Variants in COL18A1 observed in about 807,000 individuals in gnomAD.
COL18A1 encodes collagen alpha-1(XVIII) chain.
Under a neutral mutation model 168.0 loss-of-function variants are expected in COL18A1, and 133 were observed. The ratio of observed to expected loss-of-function variants is 0.79; its 90% CI spans 0.69 to 0.91. The LOEUF is 0.91. Ranked by LOEUF, COL18A1 falls within the 40% of genes least tolerant of loss-of-function variation. The probability of loss-of-function intolerance (pLI) is 0.00; values close to 1 mark genes in which losing one functional copy is unlikely to be tolerated. For synonymous variants in COL18A1, 949 were observed against 809.0 expected, an observed-to-expected ratio of 1.17 and a Z score of -2.94; for missense variants, 2,126 against 1,925.4, an observed-to-expected ratio of 1.10 and a Z score of -1.95.
intron 2 of COL18A1, among the ~76,000 whole-genome samples, chr21:45,458,138 C>T (rs2034905650): frequency 6.7e-6 from 1 of 149,072 alleles, no homozygotes. Context: ...TGCAGCGGGG[C>T]CTGGCTGAGC....
chr21:45,463,702 A>G lies in COL18A1; in HGVS notation c.107-4540A>G, dbSNP rs1211667871. 6.6e-6 allele frequency among the ~76,000 whole-genome samples: 1 copy of G among 152,168 alleles called. No individual in the cohort carries two copies. Among genetic ancestry groups the G allele is most frequent in the Admixed American group, 6.5e-5 (1 of 15,276 alleles). On this transcript the variant is annotated intron_variant, in intron 2 of 41. Coordinates refer to ENST00000651438, the MANE Select transcript of COL18A1 (RefSeq NM_001379500.1). This position sits in a 1 kb window ranked among gnomAD's most constrained non-coding sequence, Gnocchi z 4.0. Reference sequence around the variant, plus strand: ...CGCCTGAGGTCGGGAGTTGGAGACCAGCCTGACCAACACGGAGAAACCCCA... The same window carrying G: ...CGCCTGAGGTCGGGAGTTGGAGACCGGCCTGACCAACACGGAGAAACCCCA...
intron 32 of COL18A1, chr21:45,502,892 G>T (rs892984242): frequency 2.6e-5 from 4 of 152,346 alleles, no homozygotes; most frequent in African/African-American, 9.6e-5. Flanking sequence ...GGATCTGCAG[G>T]TGAACTCTCA....
chr21:45,494,501 G>A (rs1465743136), intron 26 of COL18A1, 44 bp from the exon 27 acceptor site: 3 of 1,612,890 alleles, frequency 1.9e-6, no homozygotes, highest in Non-Finnish European at 2.5e-6. Context: ...GCCAGGTGGG[G>A]CACAAGCTGC....
At chr21:45,505,484 C>T (rs1410925821) in intron 36 of COL18A1, 53 bp downstream of exon 36, 4 of 905,766 alleles carry the variant, frequency 4.4e-6, no homozygotes, top group Middle Eastern at 3.2e-4. Context: ...CTGGCTGGTT[C>T]TGCAGCCCCT....
rs1961632848 is a variant in COL18A1 at position 45,510,138 on chromosome 21, C to T, written c.3570C>T (p.Phe1190=). Residue 1190 remains phenylalanine (F), a synonymous_variant, in exon 40 of 42, where the codon TTC becomes TTT. Transcript: ENST00000651438. ...TCCGCGGGGCCGACTTCCAGTGCTTCCAGCAGGCGCGGGCCGTGGGGCTGG... is the reference window on the plus strand; with the variant it reads ...TCCGCGGGGCCGACTTCCAGTGCTTTCAGCAGGCGCGGGCCGTGGGGCTGG... ...RGIRGADFQC[F]QQARAVGLAG... The T allele has an allele frequency of 6.3e-7, 1 of 1,599,846 alleles. No homozygotes were observed. Among genetic ancestry groups the T allele is most frequent in the African/African-American group, 1.3e-5 (1 of 74,590 alleles).
At chr21:45,499,566 C>T (rs370905079) in intron 32 of COL18A1, among the ~76,000 whole-genome samples, 623 of 138,964 alleles carry the variant, frequency 4.5e-3, no homozygotes, top group Admixed American at 8.3e-3. Flanking sequence ...CTCGGGAACC[C>T]GCGTGGGCTG....
At chr21:45,456,772 C>T (rs2034840255) in intron 2 of COL18A1, 1 of 1,542,612 alleles carries the variant, frequency 6.5e-7, no homozygotes, top group Non-Finnish European at 8.7e-7. Flanking sequence ...TCTGCGAGGC[C>T]CTGCAGGATG....
At chr21:45,458,011 G>A (rs1046967901) in intron 2 of COL18A1, among the ~76,000 whole-genome samples, 2 of 151,864 alleles carry the variant, frequency 1.3e-5, no homozygotes, top group Non-Finnish European at 2.9e-5. Flanking sequence ...TGGGGCCTGG[G>A]GAGTGGCCGG....
intron 2 of COL18A1, among the ~76,000 whole-genome samples, chr21:45,437,666 TCAGACACACAGG>T (rs2034200536): frequency 4.0e-5 from 1 of 25,284 alleles, no homozygotes; most frequent in African/African-American, 2.5e-4. Context: ...ACACACACAC[TCAGACACACAGG>T]CACTCTCCTG....
intron 14 of COL18A1, chr21:45,482,348 G>A (rs766897512): frequency 1.5e-5 from 10 of 682,516 alleles, no homozygotes; most frequent in South Asian, 1.3e-4. Context: ...GACGCAAGGA[G>A]CCGGGGCCCC....
At chr21:45,411,228 T>A (rs1168091219) in intron 2 of COL18A1, among the ~76,000 whole-genome samples, 1 of 152,062 alleles carries the variant, frequency 6.6e-6, no homozygotes, top group East Asian at 1.9e-4. Context: ...GGCTCTGCCT[T>A]CCCCGATGCC....
rs548423611 is a variant in COL18A1 at position 45,496,245 on chromosome 21, G to A, written c.2509-255G>A. 3.8e-5 allele frequency: 26 copies of A among 682,904 alleles called. No homozygotes were observed. In the Middle Eastern group the frequency reaches 1.1e-3, roughly 29 times the overall value. The allele number at this position is 682,904 out of a possible 1,614,324, so 42.3% of individuals were successfully genotyped here. ...TTTCAGTCACCTTTTTACCTGAGAC[G>A]CAGACCCGGTGGCCTCTTCACTCCT... On this transcript the variant is annotated intron_variant, in intron 29 of 41. Transcript: ENST00000651438.
intron 2 of COL18A1, among the ~76,000 whole-genome samples, chr21:45,441,220 G>A (rs1329980426): frequency 2.0e-5 from 3 of 152,180 alleles, no homozygotes; most frequent in Non-Finnish European, 4.4e-5. Context: ...CTGCTCCTGC[G>A]TGGCCCTGGT....
rs974343591 is a variant in COL18A1 at position 45,473,409 on chromosome 21, G to C, written c.652-486G>C. ...TTTCTGTCCTTGGCTTCTGGGTTTTGTTTTTGATGAAAAGGTGAAGTTCAA... is the reference window on the plus strand; with the variant it reads ...TTTCTGTCCTTGGCTTCTGGGTTTTCTTTTTGATGAAAAGGTGAAGTTCAA... On this transcript the variant is annotated intron_variant, in intron 3 of 41. Coordinates refer to ENST00000651438, the MANE Select transcript of COL18A1 (RefSeq NM_001379500.1). This position sits in a 1 kb window ranked among gnomAD's most constrained non-coding sequence, Gnocchi z 4.0. Among the ~76,000 whole-genome samples the C allele has an allele frequency of 9.9e-5, 15 of 152,214 alleles. No individual in the cohort carries two copies. The highest frequency in any genetic ancestry group is 3.4e-4 in the African/African-American group (14 of 41,470).
At position 45,443,995 on chromosome 21, in the gene COL18A1, G is replaced by GCCA. The variant is rs2034449914; in HGVS notation, c.107-24247_107-24246insCCA. On this transcript the variant is annotated intron_variant, in intron 2 of 41. Coordinates refer to ENST00000651438, the MANE Select transcript of COL18A1 (RefSeq NM_001379500.1). The surrounding 1 kb of genome is among the most constrained non-coding windows in gnomAD (Gnocchi z 5.2). ...AGTAGGTGTCTGGCCCTACCACTGG[G>GCCA]GGGCCATGTTGCCACGCAAGAATTC... Among the ~76,000 whole-genome samples, 2 of 152,190 alleles carry GCCA rather than the reference G, an allele frequency of 1.3e-5. No homozygotes were observed. Among genetic ancestry groups the GCCA allele is most frequent in the Admixed American group, 1.3e-4 (2 of 15,284 alleles).
chr21:45,480,551 G>A (rs563810454), intron 12 of COL18A1, 31 bp downstream of exon 12: 130 of 1,614,010 alleles, frequency 8.1e-5, no homozygotes, highest in East Asian at 1.3e-4. Flanking sequence ...AGCGCTGCCC[G>A]ATGTCTGTGC....
chr21:45,478,966 G>A (rs899954803), intron 9 of COL18A1, among the ~76,000 whole-genome samples: 6 of 152,282 alleles, frequency 3.9e-5, no homozygotes, highest in East Asian at 1.9e-4. Flanking sequence ...GGTCATTACC[G>A]ACCGCCTGGC....
At chr21:45,488,246 C>T (rs117459652) in intron 17 of COL18A1, among the ~76,000 whole-genome samples, 172 bp from the exon 18 acceptor site, 3,488 of 152,368 alleles carry the variant, frequency 0.023, 57 homozygotes, top group Middle Eastern at 0.058. Flanking sequence ...TAGGCAGAAA[C>T]TAATTGATTC....
At chr21:45,424,197 CCTT>C (rs1369101975) in intron 2 of COL18A1, 1 of 152,354 alleles carries the variant, frequency 6.6e-6, no homozygotes, top group Non-Finnish European at 1.5e-5. Context: ...CACAGGGACA[CCTT>C]CTCAGGTGGA....
Sources: allele counts gnomAD v4.1 joint callset (sites outside exome capture counted in the v4.1 genomes callset), GRCh38; gene constraint gnomAD v4.1.1; non-coding constraint Gnocchi (gnomAD v3.1); transcripts MANE v1.5; gene names NCBI Gene and HGNC (gene_info 2026-07-23, HGNC 2026-07-21).